ANO2: variants seen among roughly 807,000 people sequenced by gnomAD.
The protein encoded by ANO2 is anoctamin-2.
ANO2 carries 101 observed loss-of-function variants against 124.2 expected under a neutral mutation model. That is an observed-to-expected ratio of 0.81 (90% CI 0.69 to 0.96). ANO2 has a LOEUF of 0.96. Among genes scored for constraint, ANO2 ranks in the 40% least tolerant of loss-of-function variants. ANO2 has a pLI of 0.00. For synonymous variants in ANO2, 486 were observed against 482.5 expected (o/e 1.01, Z -0.09); for missense variants, 1,293 against 1,274.5 (o/e 1.01, Z -0.22).
chr12:5,731,546 T>C (rs961775867), intron 14 of ANO2, among the ~76,000 whole-genome samples: 1 of 151,892 alleles, frequency 6.6e-6, no homozygotes, highest in African/African-American at 2.4e-5. Flanking sequence ...TTCAATCTAG[T>C]GGAATTTTTT....
At chr12:5,924,646 C>G (rs185204503) in intron 1 of ANO2, among the ~76,000 whole-genome samples, 1 of 152,334 alleles carries the variant, frequency 6.6e-6, no homozygotes, top group East Asian at 1.9e-4. Context: ...CCTAAGCAGA[C>G]AGCTACAGAT....
chr12:5,729,456 T>G (rs185914164), intron 14 of ANO2, among the ~76,000 whole-genome samples: 52 of 152,216 alleles, frequency 3.4e-4, no homozygotes, highest in African/African-American at 1.2e-3. Context: ...AAAACTACAA[T>G]GAAATATCAC....
intron 6 of ANO2, among the ~76,000 whole-genome samples, chr12:5,828,392 GC>G (rs1490068183): frequency 2.0e-5 from 3 of 152,182 alleles, no homozygotes. Context: ...CTGTAATGGG[GC>G]CATCTCGCCC....
chr12:5,665,462 T>C (rs1049247660), intron 14 of ANO2, among the ~76,000 whole-genome samples: 1 of 152,212 alleles, frequency 6.6e-6, no homozygotes, highest in South Asian at 2.1e-4. Flanking sequence ...CTTATTTCTC[T>C]AGATTCTTTT....
At chr12:5,687,766 G>A (rs932236027) in intron 14 of ANO2, among the ~76,000 whole-genome samples, 4 of 152,206 alleles carry the variant, frequency 2.6e-5, no homozygotes, top group African/African-American at 9.6e-5. Flanking sequence ...GAGGCAGGGA[G>A]GGGACCAGCA....
chr12:5,918,245 C>A (rs1308874303), intron 3 of ANO2, among the ~76,000 whole-genome samples: 1 of 152,094 alleles, frequency 6.6e-6, no homozygotes, highest in Non-Finnish European at 1.5e-5. Flanking sequence ...TAAGAGAGCT[C>A]CCTCTTCCTA....
chr12:5,942,813 G>A (rs566236481), intron 1 of ANO2, among the ~76,000 whole-genome samples: 6 of 152,146 alleles, frequency 3.9e-5, no homozygotes, highest in Admixed American at 6.5e-5. Flanking sequence ...GAGAATAGAC[G>A]TTTCTCAAAA....
chr12:5,620,185 A>G (rs1487108236), intron 16 of ANO2, among the ~76,000 whole-genome samples: 1 of 152,246 alleles, frequency 6.6e-6, no homozygotes, highest in African/African-American at 2.4e-5. Context: ...TTGGAGTTCT[A>G]AGAAAGACCT....
At chr12:5,884,330 C>T (rs1421885698) in intron 3 of ANO2, among the ~76,000 whole-genome samples, 1 of 152,224 alleles carries the variant, frequency 6.6e-6, no homozygotes, top group African/African-American at 2.4e-5. Context: ...CCTCTGTCCA[C>T]CTGGCCAGCC....
At chr12:5,703,636 C>A (rs1443638789) in intron 14 of ANO2, among the ~76,000 whole-genome samples, 1 of 152,056 alleles carries the variant, frequency 6.6e-6, no homozygotes, top group African/African-American at 2.4e-5. Flanking sequence ...AACTCCTAGG[C>A]CCTAGGCTCA....
chr12:5,683,000 G>A (rs564429817), intron 14 of ANO2, among the ~76,000 whole-genome samples: 14 of 152,282 alleles, frequency 9.2e-5, no homozygotes, highest in Admixed American at 7.8e-4. Flanking sequence ...TGGACCCCTT[G>A]AGTACTGGGG....
At chr12:5,630,987 T>C (rs578131326) in intron 16 of ANO2, among the ~76,000 whole-genome samples, 4 of 152,260 alleles carry the variant, frequency 2.6e-5, no homozygotes, top group Admixed American at 6.5e-5. Flanking sequence ...CCTGACATGG[T>C]GTCCACGGCA....
At chr12:5,724,382 T>A (rs1442008605) in intron 14 of ANO2, among the ~76,000 whole-genome samples, 2 of 152,160 alleles carry the variant, frequency 1.3e-5, no homozygotes, top group Non-Finnish European at 2.9e-5. Flanking sequence ...AAAGAACTGA[T>A]AAACCACCCG....
intron 10 of ANO2, among the ~76,000 whole-genome samples, chr12:5,774,882 T>G (rs962114379): frequency 1.4e-4 from 22 of 152,206 alleles, no homozygotes; most frequent in African/African-American, 5.1e-4. Flanking sequence ...CACCTAGGCA[T>G]TGCATCTCTT....
intron 14 of ANO2, among the ~76,000 whole-genome samples, chr12:5,694,574 G>C (rs900934409): frequency 5.9e-5 from 9 of 152,174 alleles, no homozygotes; most frequent in African/African-American, 2.2e-4. Context: ...TCCCCCTCTC[G>C]GCCTCAGTTT....
At chr12:5,609,149 C>T (rs1222097864) in intron 19 of ANO2, 2 of 152,204 alleles carry the variant, frequency 1.3e-5, no homozygotes, top group East Asian at 3.8e-4. Flanking sequence ...CAAGTGTCAT[C>T]TGCATGGAAC....
intron 14 of ANO2, among the ~76,000 whole-genome samples, chr12:5,669,841 G>A (rs555128943): frequency 2.0e-5 from 3 of 152,328 alleles, no homozygotes; most frequent in Non-Finnish European, 2.9e-5. Flanking sequence ...AGCTCCCTGA[G>A]AGAAGTGATC....
intron 14 of ANO2, among the ~76,000 whole-genome samples, chr12:5,725,142 C>G (rs1447575557): frequency 6.6e-6 from 1 of 151,506 alleles, no homozygotes; most frequent in Non-Finnish European, 1.5e-5. Context: ...CAATCTCACA[C>G]CACTGGCACA....
At chr12:5,761,736 A>G (rs1951751242) in intron 10 of ANO2, among the ~76,000 whole-genome samples, 1 of 152,176 alleles carries the variant, frequency 6.6e-6, no homozygotes. Flanking sequence ...TGCTAGAACT[A>G]TAGAAACTAA....
Sources: allele counts gnomAD v4.1 joint callset (sites outside exome capture counted in the v4.1 genomes callset), GRCh38; gene constraint gnomAD v4.1.1; transcripts MANE v1.5; gene names NCBI Gene and HGNC (gene_info 2026-07-23, HGNC 2026-07-21).